Variants in PARD3B observed in about 807,000 individuals in gnomAD.
The protein encoded by PARD3B is partitioning defective 3 homolog B.
PARD3B carries 103 observed loss-of-function variants against 130.2 expected under a neutral mutation model. The ratio of observed to expected loss-of-function variants is 0.79; its 90% CI spans 0.67 to 0.93. The LOEUF is 0.93. Among genes scored for constraint, PARD3B ranks in the 40% least tolerant of loss-of-function variants. The pLI, the probability that PARD3B is intolerant of heterozygous loss-of-function variation, is 0.00. For missense variants in PARD3B, 1,609 were observed against 1,499.2 expected, an observed-to-expected ratio of 1.07 and a Z score of -1.21; for synonymous variants, 583 against 553.2, an observed-to-expected ratio of 1.05 and a Z score of -0.76.
rs1696582950 is a variant in PARD3B at position 205,021,360 on chromosome 2, T to TG, written c.395-26219dup. On this transcript the variant is annotated intron_variant, in intron 3 of 22. Transcript: ENST00000406610. The surrounding 1 kb of genome is among the most constrained non-coding windows in gnomAD (Gnocchi z 4.5). ...TTGGAATGATAAAGTTTATTGTACA[T>TG]GGTAAGGAAATTATGTATTGTAGAT... Among the ~76,000 whole-genome samples, 1 of 152,152 alleles carries TG rather than the reference T, an allele frequency of 6.6e-6. No homozygotes were observed. Among genetic ancestry groups the TG allele is most frequent in the African/African-American group, 2.4e-5 (1 of 41,442 alleles).
intron 2 of PARD3B, among the ~76,000 whole-genome samples, chr2:204,930,027 A>AT (rs965807539): frequency 1.2e-4 from 18 of 151,278 alleles, no homozygotes; most frequent in East Asian, 9.6e-4. Context: ...CTATTTTATT[A>AT]TTTTTTTAAT....
intron 10 of PARD3B, among the ~76,000 whole-genome samples, chr2:205,133,124 G>A (rs866818508): frequency 4.6e-5 from 7 of 152,084 alleles, no homozygotes; most frequent in African/African-American, 9.7e-5. Context: ...TTACAGCTGC[G>A]TGCCACAATG....
chr2:204,896,884 A>T (rs955640102), intron 2 of PARD3B, among the ~76,000 whole-genome samples: 11 of 152,346 alleles, frequency 7.2e-5, no homozygotes, highest in African/African-American at 2.6e-4. Flanking sequence ...CTTTTGTCTA[A>T]AAGTAAAAAT....
At chr2:205,464,780 G>A (rs1219372235) in intron 20 of PARD3B, among the ~76,000 whole-genome samples, 1 of 152,158 alleles carries the variant, frequency 6.6e-6, no homozygotes, top group Non-Finnish European at 1.5e-5. Context: ...TAGGAATGGA[G>A]ATCCTGCAGC....
intron 2 of PARD3B, among the ~76,000 whole-genome samples, chr2:204,763,648 A>C (rs929742562): frequency 2.6e-5 from 4 of 152,240 alleles, no homozygotes; most frequent in Admixed American, 1.3e-4. Context: ...TGACTGACGC[A>C]TAGCCTCAGT....
intron 11 of PARD3B, among the ~76,000 whole-genome samples, chr2:205,166,398 A>G (rs17188399): frequency 0.13 from 20,506 of 152,164 alleles, 1,605 homozygotes; most frequent in Middle Eastern, 0.26. Context: ...AAGAAAGAAT[A>G]TGGGCAAAGT....
chr2:205,071,015 T>C (rs371983030), intron 4 of PARD3B, among the ~76,000 whole-genome samples: 5 of 152,106 alleles, frequency 3.3e-5, no homozygotes, highest in Non-Finnish European at 7.4e-5. Flanking sequence ...AAAAACCACT[T>C]AATTTGGGGT....
intron 1 of PARD3B, among the ~76,000 whole-genome samples, chr2:204,581,995 C>T (rs985801043): frequency 6.6e-6 from 1 of 152,098 alleles, no homozygotes; most frequent in Non-Finnish European, 1.5e-5. Flanking sequence ...CTTTTAAATA[C>T]TGTGATGTGT....
chr2:204,934,903 A>G (rs903766275), intron 2 of PARD3B, among the ~76,000 whole-genome samples: 5 of 152,188 alleles, frequency 3.3e-5, no homozygotes, highest in African/African-American at 1.2e-4. Flanking sequence ...TAACTCATTG[A>G]TTTAATAATA....
At chr2:205,402,583 C>T (rs573505625) in intron 19 of PARD3B, among the ~76,000 whole-genome samples, 1 of 152,212 alleles carries the variant, frequency 6.6e-6, no homozygotes, top group Non-Finnish European at 1.5e-5. Flanking sequence ...AAATTGATAA[C>T]CCATAAAATA....
intron 2 of PARD3B, among the ~76,000 whole-genome samples, chr2:204,747,692 A>G (rs1438529919): frequency 6.6e-6 from 1 of 152,224 alleles, no homozygotes; most frequent in Non-Finnish European, 1.5e-5. Context: ...ACAAGGCTAC[A>G]GTAACCAAAA....
chr2:204,719,970 TGCTTAA>T (rs2038919382), intron 2 of PARD3B, among the ~76,000 whole-genome samples: 1 of 152,210 alleles, frequency 6.6e-6, no homozygotes, highest in Non-Finnish European at 1.5e-5. Flanking sequence ...GTAAGAGTTT[TGCTTAA>T]GCTTTTGCCT....
intron 10 of PARD3B, among the ~76,000 whole-genome samples, chr2:205,133,412 G>C (rs1401861816): frequency 6.6e-6 from 1 of 152,192 alleles, no homozygotes; most frequent in Non-Finnish European, 1.5e-5. Context: ...TAAGCATGCA[G>C]ATTGCCAGGC....
At chr2:204,952,365 A>C (rs1269778673) in intron 2 of PARD3B, among the ~76,000 whole-genome samples, 2 of 152,206 alleles carry the variant, frequency 1.3e-5, no homozygotes, top group Non-Finnish European at 2.9e-5. Flanking sequence ...AGGGACTATC[A>C]AAGTAGTAAA....
intron 2 of PARD3B, among the ~76,000 whole-genome samples, chr2:204,708,377 A>G (rs1257132740): frequency 6.6e-6 from 1 of 152,226 alleles, no homozygotes; most frequent in Non-Finnish European, 1.5e-5. Flanking sequence ...TATATTTCAT[A>G]TAGAAGAACT....
At chr2:204,770,738 G>A (rs550271446) in intron 2 of PARD3B, among the ~76,000 whole-genome samples, 44 of 151,950 alleles carry the variant, frequency 2.9e-4, no homozygotes, top group African/African-American at 1.0e-3. Context: ...ACATCCCCTG[G>A]CACTTCTAGA....
intron 18 of PARD3B, among the ~76,000 whole-genome samples, chr2:205,381,306 C>T (rs2045438771): frequency 6.8e-6 from 1 of 146,652 alleles, no homozygotes; most frequent in Non-Finnish European, 1.5e-5. Flanking sequence ...ATAGTACACA[C>T]AAAATTCACA....
chr2:204,806,130 A>G (rs1161790412), intron 2 of PARD3B, among the ~76,000 whole-genome samples: 5 of 151,638 alleles, frequency 3.3e-5, no homozygotes, highest in South Asian at 2.1e-4. Context: ...AAAATAGGGA[A>G]AAAAAAAATC....
In PARD3B at chr2:204,844,590, C is replaced by T. The variant is rs559439739; in HGVS notation, c.223-120562C>T. ...TACTAACGTGTGAGCACCTGGATGGCGGGGGCTGGGTGTTATATATTTTTA... is the reference window on the plus strand; with the variant it reads ...TACTAACGTGTGAGCACCTGGATGGTGGGGGCTGGGTGTTATATATTTTTA... On this transcript the variant is annotated intron_variant, in intron 2 of 22. Transcript: ENST00000406610. Among the ~76,000 whole-genome samples, 30 of 152,072 alleles carry T rather than the reference C, an allele frequency of 2.0e-4. No homozygotes were observed. The South Asian group carries it at 4.4e-3, about 22-fold the overall frequency.
Sources: gnomAD v4.1 joint callset for allele counts (sites outside exome capture counted in the v4.1 genomes callset) on GRCh38, gnomAD v4.1.1 for gene constraint, Gnocchi (gnomAD v3.1) non-coding constraint, MANE v1.5 for transcripts, NCBI Gene and HGNC (gene_info 2026-07-23, HGNC 2026-07-21) for gene names.